Variants in ADAMTSL1 observed in about 807,000 individuals in gnomAD.
The protein encoded by ADAMTSL1 is ADAMTS like 1, also known as ADAMTS-like protein 1.
ADAMTSL1 carries 126 observed loss-of-function variants against 201.8 expected under a neutral mutation model. The observed-to-expected ratio is 0.62, with a 90% CI of 0.54 to 0.72. The LOEUF (loss-of-function observed/expected upper bound fraction) is 0.72. Ranked by LOEUF, ADAMTSL1 falls within the 30% of genes least tolerant of loss-of-function variation. The probability of loss-of-function intolerance (pLI) is 0.00; values close to 1 mark genes in which losing one functional copy is unlikely to be tolerated. For missense variants in ADAMTSL1, 2,679 were observed against 2,277.8 expected (o/e 1.18, Z -3.59); for synonymous variants, 1,121 against 903.4 (o/e 1.24, Z -4.32).
intron 2 of ADAMTSL1, among the ~76,000 whole-genome samples, chr9:18,266,545 G>A (rs1464486109): frequency 6.6e-6 from 1 of 152,132 alleles, no homozygotes; most frequent in African/African-American, 2.4e-5. Flanking sequence ...TCTTCCTGTC[G>A]ATGAGCTCTG....
chr9:18,537,607 CA>C (rs1819850249), intron 3 of ADAMTSL1, among the ~76,000 whole-genome samples: 1 of 152,080 alleles, frequency 6.6e-6, no homozygotes, highest in Non-Finnish European at 1.5e-5. Flanking sequence ...CCATGGCTCA[CA>C]CCTGTAATCC....
intron 2 of ADAMTSL1, among the ~76,000 whole-genome samples, chr9:18,406,313 T>TCTTTTCTTTTCTTTC (rs1563939374): frequency 1.4e-5 from 2 of 147,012 alleles, no homozygotes; most frequent in African/African-American, 5.1e-5. Context: ...TCTTTTCTTT[T>TCTTTTCTTTTCTTTC]CTTTTCTTTT....
intron 1 of ADAMTSL1, among the ~76,000 whole-genome samples, chr9:18,074,689 C>T (rs980845610): frequency 6.6e-6 from 1 of 151,894 alleles, no homozygotes; most frequent in Non-Finnish European, 1.5e-5. Context: ...CTCCTGGGTT[C>T]AAGTGATTCT....
intron 4 of ADAMTSL1, among the ~76,000 whole-genome samples, chr9:18,579,022 G>A (rs1268497355): frequency 1.3e-5 from 2 of 151,832 alleles, no homozygotes; most frequent in South Asian, 2.1e-4. Flanking sequence ...CTGCATAAAT[G>A]TCTTCTTTTG....
intron 2 of ADAMTSL1, among the ~76,000 whole-genome samples, chr9:18,307,862 G>A (rs1187532373): frequency 1.3e-5 from 2 of 152,020 alleles, no homozygotes; most frequent in African/African-American, 4.8e-5. Flanking sequence ...ACATCTATAG[G>A]ACTCTTCACC....
At chr9:18,351,300 C>T (rs930335799) in intron 2 of ADAMTSL1, among the ~76,000 whole-genome samples, 2 of 151,350 alleles carry the variant, frequency 1.3e-5, no homozygotes, top group Non-Finnish European at 2.9e-5. Context: ...TGTGTGTGGT[C>T]CAAACTTCTT....
intron 1 of ADAMTSL1, among the ~76,000 whole-genome samples, chr9:17,995,398 G>A (rs1019502962): frequency 2.0e-5 from 3 of 152,034 alleles, no homozygotes; most frequent in African/African-American, 7.2e-5. Flanking sequence ...TTTTTTGCTG[G>A]CAAAAGAAGG....
intron 14 of ADAMTSL1, chr9:18,717,897 A>G: frequency 1.0e-6 from 1 of 1,004,704 alleles, no homozygotes; most frequent in Non-Finnish European, 1.6e-6. Context: ...AGGTTTAACA[A>G]AGTTGGAGTG....
At chr9:17,981,495 C>G (rs924645123) in intron 1 of ADAMTSL1, among the ~76,000 whole-genome samples, 2 of 152,152 alleles carry the variant, frequency 1.3e-5, no homozygotes, top group Non-Finnish European at 2.9e-5. Context: ...TGCCTTATTT[C>G]CTGTGTGTCT....
chr9:18,041,692 T>G (rs1821431710), intron 1 of ADAMTSL1, among the ~76,000 whole-genome samples: 1 of 152,154 alleles, frequency 6.6e-6, no homozygotes, highest in South Asian at 2.1e-4. Context: ...CTAACCAAAC[T>G]GATAATCTAC....
intron 2 of ADAMTSL1, among the ~76,000 whole-genome samples, chr9:18,530,697 T>G (rs1440282714): frequency 1.3e-5 from 2 of 152,180 alleles, no homozygotes; most frequent in Admixed American, 1.3e-4. Context: ...TTATCTAACA[T>G]CTACATAATG....
At chr9:18,546,573 T>C (rs536864456) in intron 3 of ADAMTSL1, among the ~76,000 whole-genome samples, 1 of 152,116 alleles carries the variant, frequency 6.6e-6, no homozygotes, top group Non-Finnish European at 1.5e-5. Flanking sequence ...CTTCCCCAAA[T>C]AGAAATTTTT....
chr9:18,040,216 A>G (rs1055848725), intron 1 of ADAMTSL1, among the ~76,000 whole-genome samples: 1 of 152,216 alleles, frequency 6.6e-6, no homozygotes, highest in Non-Finnish European at 1.5e-5. Flanking sequence ...TAAGCCAGGA[A>G]GATAACTATT....
chr9:18,043,922 G>A (rs775433871), intron 1 of ADAMTSL1, among the ~76,000 whole-genome samples: 1 of 148,148 alleles, frequency 6.8e-6, no homozygotes, highest in Non-Finnish European at 1.5e-5. Flanking sequence ...TCATTTTTTG[G>A]TCCCTTGTAA....
intron 2 of ADAMTSL1, among the ~76,000 whole-genome samples, chr9:18,513,051 C>T (rs1419546278): frequency 2.0e-5 from 3 of 152,298 alleles, no homozygotes. Context: ...ATATTTCAGA[C>T]TTAGACCTAG....
chr9:18,667,075 A>G (rs1444090861), intron 9 of ADAMTSL1, among the ~76,000 whole-genome samples: 2 of 151,960 alleles, frequency 1.3e-5, no homozygotes, highest in African/African-American at 4.8e-5. Flanking sequence ...CACGGCCACA[A>G]TTATTAGCAA....
chr9:18,241,509 C>G (rs905783313), intron 2 of ADAMTSL1, among the ~76,000 whole-genome samples: 1 of 151,994 alleles, frequency 6.6e-6, no homozygotes, highest in African/African-American at 2.4e-5. Flanking sequence ...TTCTCAAGCT[C>G]TGAGTAGACT....
At chr9:18,757,302 C>A (rs562926129) in intron 16 of ADAMTSL1, among the ~76,000 whole-genome samples, 5 of 150,982 alleles carry the variant, frequency 3.3e-5, no homozygotes, top group East Asian at 1.9e-4. Flanking sequence ...CATCATCATC[C>A]TCCTCCTCCT....
At chr9:18,153,014 C>T (rs1826986771) in intron 1 of ADAMTSL1, among the ~76,000 whole-genome samples, 1 of 151,222 alleles carries the variant, frequency 6.6e-6, no homozygotes, top group South Asian at 2.1e-4. Context: ...AATTAACTCC[C>T]TACCAGTGTT....
Sources: allele counts gnomAD v4.1 joint callset (sites outside exome capture counted in the v4.1 genomes callset), GRCh38; gene constraint gnomAD v4.1.1; transcripts MANE v1.5; gene names NCBI Gene and HGNC (gene_info 2026-07-23, HGNC 2026-07-21).